NOX4: variants seen among roughly 807,000 people sequenced by gnomAD.
NOX4 encodes NADPH oxidase 4, also known as kidney oxidase-1.
Under a neutral mutation model 87.6 loss-of-function variants are expected in NOX4, and 69 were observed. That is an observed-to-expected ratio of 0.79 (90% CI 0.65 to 0.96). NOX4 has a LOEUF of 0.96. NOX4 is among the 40% of genes least tolerant of loss of function. The pLI, the probability that NOX4 is intolerant of heterozygous loss-of-function variation, is 0.00. For synonymous variants in NOX4, 275 were observed against 238.2 expected, an observed-to-expected ratio of 1.15 and a Z score of -1.42; for missense variants, 680 against 681.5, an observed-to-expected ratio of 1.00 and a Z score of 0.02.
At chr11:89,376,478 A>G (rs1939847035) in intron 11 of NOX4, among the ~76,000 whole-genome samples, 1 of 152,226 alleles carries the variant, frequency 6.6e-6, no homozygotes, top group Admixed American at 6.5e-5. Flanking sequence ...AAGTATTGAT[A>G]TCTACAGCTC....
At chr11:89,335,739 A>T (rs1945678747) in intron 17 of NOX4, 106 bp downstream of exon 17, 1 of 535,584 alleles carries the variant, frequency 1.9e-6, no homozygotes. Flanking sequence ...TGAATTTGTC[A>T]TTGGTAAACT....
chr11:89,538,911 A>G, the NOX4 span, among the ~76,000 whole-genome samples: 1 of 152,038 alleles, frequency 6.6e-6, no homozygotes. Context: ...CTCTGGGAGA[A>G]ATTAGAGTTA....
At chr11:89,450,929 TG>T (rs1303749623) in intron 3 of NOX4, among the ~76,000 whole-genome samples, 1 of 151,634 alleles carries the variant, frequency 6.6e-6, no homozygotes, top group Non-Finnish European at 1.5e-5. Flanking sequence ...TGGATGAAGC[TG>T]GAAACCATCA....
chr11:89,460,764 T>C (rs1006491531), intron 2 of NOX4, among the ~76,000 whole-genome samples: 62 of 152,106 alleles, frequency 4.1e-4, no homozygotes, highest in Non-Finnish European at 1.3e-4. Flanking sequence ...TCCTCAGGGA[T>C]CTAGAACTAG....
chr11:89,496,736 A>T (rs546808591), upstream of NOX4, among the ~76,000 whole-genome samples: 1 of 152,308 alleles, frequency 6.6e-6, no homozygotes, highest in South Asian at 2.1e-4. Context: ...TACAAAATAA[A>T]TGTAAGAAAT....
chr11:89,488,257 G>T (rs2135491188), intron 2 of NOX4, among the ~76,000 whole-genome samples: 1 of 151,734 alleles, frequency 6.6e-6, no homozygotes, highest in Middle Eastern at 3.4e-3. Flanking sequence ...CTTCCATTTG[G>T]TCCTTTTATC....
chr11:89,508,859 G>A, the NOX4 span, among the ~76,000 whole-genome samples: 2 of 152,120 alleles, frequency 1.3e-5, no homozygotes, highest in South Asian at 4.1e-4. Flanking sequence ...ACAAAGTGAC[G>A]GAGTTGTTAT....
Position 89,449,629 on chromosome 11 carries a change from A to G in NOX4, c.265-105T>C, listed in dbSNP as rs1229815629. The G allele has an allele frequency of 1.3e-5, 10 of 787,072 alleles. No homozygotes were observed. The East Asian group carries it at 2.7e-4, about 21-fold the overall frequency. 48.8% of individuals were successfully genotyped at this position (787,072 alleles called of 1,614,324 possible). A position where few individuals can be genotyped will look rare whatever the true frequency, so the allele number is the denominator to read the frequency against. On this transcript the variant is annotated intron_variant, in intron 3 of 17. Coordinates refer to ENST00000263317, the MANE Select transcript of NOX4 (RefSeq NM_016931.5). ...GTCAAAATTTTTAAAATATGGCGGA[A>G]GCCTATTAATCAAAAATTGGTGAGA...
intron 17 of NOX4, among the ~76,000 whole-genome samples, chr11:89,328,658 G>T (rs547065817): frequency 6.6e-6 from 1 of 152,220 alleles, no homozygotes; most frequent in South Asian, 2.1e-4. Context: ...AACTAAGAGT[G>T]TTATGGGCTG....
chr11:89,415,474 T>C (rs1479784049), intron 8 of NOX4, among the ~76,000 whole-genome samples: 1 of 152,152 alleles, frequency 6.6e-6, no homozygotes, highest in African/African-American at 2.4e-5. Flanking sequence ...AATCTAGCTT[T>C]AAAAACTTCA....
At chr11:89,424,724 G>A (rs1042741692) in intron 7 of NOX4, among the ~76,000 whole-genome samples, 3 of 151,604 alleles carry the variant, frequency 2.0e-5, no homozygotes, top group Non-Finnish European at 4.4e-5. Context: ...TCTAATAACG[G>A]GATACATTAA....
At chr11:89,328,672 T>A (rs529691941) in intron 17 of NOX4, among the ~76,000 whole-genome samples, 26 of 152,244 alleles carry the variant, frequency 1.7e-4, no homozygotes, top group Middle Eastern at 3.4e-3. Flanking sequence ...TGGGCTGAAG[T>A]CTGCCCATCC....
chr11:89,471,647 A>T (rs1945946629), intron 2 of NOX4, among the ~76,000 whole-genome samples: 1 of 152,208 alleles, frequency 6.6e-6, no homozygotes, highest in Non-Finnish European at 1.5e-5. Context: ...CCATGGGAAC[A>T]AGACTGCACT....
At chr11:89,399,765 T>C (rs1225310664) in intron 11 of NOX4, among the ~76,000 whole-genome samples, 1 of 151,778 alleles carries the variant, frequency 6.6e-6, no homozygotes, top group Non-Finnish European at 1.5e-5. Flanking sequence ...GTGCTTGGCC[T>C]ATATTTTGAA....
the NOX4 span, among the ~76,000 whole-genome samples, chr11:89,532,639 T>C: frequency 6.6e-6 from 1 of 152,156 alleles, no homozygotes; most frequent in African/African-American, 2.4e-5. Flanking sequence ...CAGGGCACTG[T>C]AGGGAAGACA....
chr11:89,430,193 G>A (rs1943701614), intron 7 of NOX4, among the ~76,000 whole-genome samples: 1 of 152,110 alleles, frequency 6.6e-6, no homozygotes, highest in African/African-American at 2.4e-5. Flanking sequence ...AGGGATTGAT[G>A]GGACATATGT....
intron 3 of NOX4, among the ~76,000 whole-genome samples, chr11:89,450,533 C>T (rs968102100): frequency 1.3e-5 from 2 of 152,064 alleles, no homozygotes; most frequent in Non-Finnish European, 2.9e-5. Flanking sequence ...TTACATACTT[C>T]ATTTTACAAC....
At chr11:89,515,996 G>A in the NOX4 span, among the ~76,000 whole-genome samples, 4 of 151,856 alleles carry the variant, frequency 2.6e-5, no homozygotes, top group African/African-American at 9.7e-5. Flanking sequence ...CTAACAATTT[G>A]CATTGGCTTT....
At chr11:89,381,096 T>C (rs1300576453) in intron 11 of NOX4, among the ~76,000 whole-genome samples, 2 of 152,082 alleles carry the variant, frequency 1.3e-5, no homozygotes, top group Non-Finnish European at 2.9e-5. Context: ...CTGGAAAAAC[T>C]CTTCCCAAAG....
Sources: gnomAD v4.1 joint callset for allele counts (sites outside exome capture counted in the v4.1 genomes callset) on GRCh38, gnomAD v4.1.1 for gene constraint, MANE v1.5 for transcripts, NCBI Gene and HGNC (gene_info 2026-07-23, HGNC 2026-07-21) for gene names.